Variants in RAB38 observed in about 807,000 individuals in gnomAD.
RAB38 encodes RAB38, member RAS oncogene family, also known as ras-related protein Rab-38.
Under a neutral mutation model 18.4 loss-of-function variants are expected in RAB38, and 15 were observed. That is an observed-to-expected ratio of 0.82 (90% confidence interval 0.55 to 1.26). The LOEUF (loss-of-function observed/expected upper bound fraction) is 1.26. Ranked by LOEUF, RAB38 falls within the 50% of genes most tolerant of loss-of-function variation. RAB38 has a pLI of 0.00. For missense variants in RAB38, 294 were observed against 267.4 expected (o/e 1.10, Z -0.69); for synonymous variants, 101 against 104.4 (o/e 0.97, Z 0.20).
chr11:87,882,507 A>G, the RAB38 span, among the ~76,000 whole-genome samples: 1 of 152,002 alleles, frequency 6.6e-6, no homozygotes, highest in East Asian at 2.0e-4. Context: ...TCTAGTAGGT[A>G]ATGTAATATT....
At chr11:87,813,786 G>C in the RAB38 span, among the ~76,000 whole-genome samples, 1 of 152,178 alleles carries the variant, frequency 6.6e-6, no homozygotes, top group Admixed American at 6.5e-5. Flanking sequence ...CTGTTAGCTT[G>C]GGTTAATCGT....
the RAB38 span, among the ~76,000 whole-genome samples, chr11:87,903,463 CAT>C: frequency 4.6e-5 from 7 of 151,298 alleles, no homozygotes; most frequent in African/African-American, 1.7e-4. Flanking sequence ...TTGACTTATT[CAT>C]GTTTTGTAAA....
chr11:88,041,207 A>G, the RAB38 span, among the ~76,000 whole-genome samples: 31 of 152,358 alleles, frequency 2.0e-4, no homozygotes, highest in African/African-American at 5.0e-4. Flanking sequence ...TAACTTCAGA[A>G]TAAATCCATA....
the RAB38 span, among the ~76,000 whole-genome samples, chr11:87,923,538 CAATT>C: frequency 6.9e-6 from 1 of 145,106 alleles, no homozygotes; most frequent in Admixed American, 7.0e-5. Context: ...ATGTAAGAGT[CAATT>C]AATTCTGTGT....
At chr11:87,879,080 T>C in the RAB38 span, among the ~76,000 whole-genome samples, 1 of 149,970 alleles carries the variant, frequency 6.7e-6, no homozygotes, top group Admixed American at 6.7e-5. Flanking sequence ...TAGGCAACAC[T>C]CTGGTCGTTT....
chr11:88,108,316 A>G (rs1393041853), downstream of RAB38, among the ~76,000 whole-genome samples: 1 of 152,154 alleles, frequency 6.6e-6, no homozygotes, highest in Non-Finnish European at 1.5e-5. Flanking sequence ...TATTGGATGC[A>G]TATATATTTA....
the RAB38 span, among the ~76,000 whole-genome samples, chr11:87,944,349 G>C: frequency 1.3e-5 from 2 of 152,112 alleles, no homozygotes; most frequent in African/African-American, 4.8e-5. Flanking sequence ...GTTTGTATTT[G>C]GGTTAGGTGC....
At chr11:88,076,980 G>GAAAAAA in the RAB38 span, among the ~76,000 whole-genome samples, 2 of 62,562 alleles carry the variant, frequency 3.2e-5, no homozygotes, top group African/African-American at 6.8e-5. Flanking sequence ...AAAAAAGAAA[G>GAAAAAA]AAAGAAAGAA....
At chr11:87,940,032 C>A in the RAB38 span, among the ~76,000 whole-genome samples, 1 of 151,060 alleles carries the variant, frequency 6.6e-6, no homozygotes, top group South Asian at 2.1e-4. Context: ...ATTGAAAAAC[C>A]AGAAAAACAG....
the RAB38 span, among the ~76,000 whole-genome samples, chr11:87,869,132 A>G: frequency 2.0e-5 from 3 of 151,668 alleles, no homozygotes; most frequent in Non-Finnish European, 4.4e-5. Context: ...AAATGTCACT[A>G]TCATCATCAC....
At chr11:87,942,335 G>A in the RAB38 span, among the ~76,000 whole-genome samples, 13 of 151,976 alleles carry the variant, frequency 8.6e-5, no homozygotes, top group African/African-American at 2.4e-4. Flanking sequence ...GAAAAGACAC[G>A]GCCATTTTGA....
chr11:87,971,091 G>A, the RAB38 span, among the ~76,000 whole-genome samples: 6 of 152,092 alleles, frequency 3.9e-5, no homozygotes, highest in East Asian at 5.8e-4. Flanking sequence ...AGCGTTGCAC[G>A]GTTCTTCAAT....
the RAB38 span, among the ~76,000 whole-genome samples, chr11:88,100,793 T>A: frequency 6.6e-6 from 1 of 151,958 alleles, no homozygotes; most frequent in East Asian, 1.9e-4. Context: ...TTTAGAAATA[T>A]TATGGACAGG....
At chr11:87,874,400 T>A in the RAB38 span, among the ~76,000 whole-genome samples, 1 of 150,810 alleles carries the variant, frequency 6.6e-6, no homozygotes, top group Non-Finnish European at 1.5e-5. Context: ...AGAAAACAAA[T>A]AACTCAATTA....
chr11:87,890,569 A>T, the RAB38 span, among the ~76,000 whole-genome samples: 1 of 151,802 alleles, frequency 6.6e-6, no homozygotes, highest in Non-Finnish European at 1.5e-5. Flanking sequence ...AATGGCATCT[A>T]AAGCTTTCAA....
chr11:87,813,938 C>A, the RAB38 span, among the ~76,000 whole-genome samples: 1 of 152,152 alleles, frequency 6.6e-6, no homozygotes, highest in African/African-American at 2.4e-5. Flanking sequence ...TGCATTTGTG[C>A]ATGCTTGGTA....
the RAB38 span, among the ~76,000 whole-genome samples, chr11:87,902,894 C>CAT: frequency 4.3e-3 from 645 of 150,070 alleles, 5 homozygotes; most frequent in African/African-American, 0.013. Context: ...CATATATATG[C>CAT]ATATATATAT....
the RAB38 span, among the ~76,000 whole-genome samples, chr11:87,894,817 A>C: frequency 6.6e-6 from 1 of 151,074 alleles, no homozygotes; most frequent in African/African-American, 2.4e-5. Context: ...AACATACCAT[A>C]ATATCTCTAT....
chr11:88,070,421 G>A, the RAB38 span, among the ~76,000 whole-genome samples: 1 of 152,196 alleles, frequency 6.6e-6, no homozygotes, highest in Non-Finnish European at 1.5e-5. Context: ...CACTCACCGC[G>A]AGGGTCCGCG....
Sources: gnomAD v4.1 joint callset for allele counts (sites outside exome capture counted in the v4.1 genomes callset) on GRCh38, gnomAD v4.1.1 for gene constraint, MANE v1.5 for transcripts, NCBI Gene and HGNC (gene_info 2026-07-23, HGNC 2026-07-21) for gene names.